The following NUBPL variants were observed in gnomAD, a reference collection of about 807,000 sequenced individuals.
NUBPL encodes the protein iron-sulfur cluster transfer protein NUBPL.
NUBPL carries 31 observed loss-of-function variants against 45.7 expected under a neutral mutation model. The observed-to-expected ratio is 0.68, with a 90% CI of 0.51 to 0.92. The LOEUF is 0.92. NUBPL is among the 40% of genes least tolerant of loss of function. The pLI is 0.00. For missense variants in NUBPL, 401 were observed against 398.7 expected (o/e 1.01, Z -0.05); for synonymous variants, 144 against 140.9 (o/e 1.02, Z -0.15).
intron 6 of NUBPL, among the ~76,000 whole-genome samples, chr14:31,715,892 G>A (rs904207810): frequency 2.0e-5 from 3 of 151,978 alleles, no homozygotes; most frequent in African/African-American, 2.4e-5. Flanking sequence ...TGCAAAAAAC[G>A]TTTTGACTCA....
intron 6 of NUBPL, among the ~76,000 whole-genome samples, chr14:31,690,512 A>T (rs1264956073): frequency 1.3e-5 from 2 of 152,118 alleles, no homozygotes; most frequent in East Asian, 3.9e-4. Flanking sequence ...TATCCTCTAG[A>T]TCAGGGGGTT....
intron 6 of NUBPL, chr14:31,702,968 C>T (rs1266980105): frequency 6.6e-6 from 1 of 152,166 alleles, no homozygotes; most frequent in Non-Finnish European, 1.5e-5. Flanking sequence ...AACTGTGATT[C>T]CCTGCAGACA....
chr14:31,683,253 T>A (rs1244078896), intron 6 of NUBPL, among the ~76,000 whole-genome samples: 1 of 127,756 alleles, frequency 7.8e-6, no homozygotes, highest in Non-Finnish European at 1.7e-5. Context: ...ATCTCCTATA[T>A]TTTATTGTGA....
chr14:31,819,107 C>CA (rs1288771492), intron 7 of NUBPL, among the ~76,000 whole-genome samples: 1 of 152,054 alleles, frequency 6.6e-6, no homozygotes, highest in Non-Finnish European at 1.5e-5. Flanking sequence ...CTTGATCTTA[C>CA]AGCAAATAAT....
intron 4 of NUBPL, among the ~76,000 whole-genome samples, chr14:31,622,913 C>CTACT (rs991567567): frequency 2.0e-5 from 3 of 152,212 alleles, no homozygotes; most frequent in African/African-American, 7.2e-5. Context: ...GAGAAGAGGG[C>CTACT]TACTGTCCTT....
At chr14:31,808,630 C>T (rs1284993693) in intron 7 of NUBPL, among the ~76,000 whole-genome samples, 7 of 152,166 alleles carry the variant, frequency 4.6e-5, no homozygotes, top group African/African-American at 1.7e-4. Flanking sequence ...TGCCTGATTG[C>T]CCTGGCCAGA....
At chr14:31,607,276 G>A (rs1344976074) in intron 4 of NUBPL, among the ~76,000 whole-genome samples, 2 of 151,860 alleles carry the variant, frequency 1.3e-5, no homozygotes, top group East Asian at 1.9e-4. Flanking sequence ...CCAGCTACTC[G>A]GGAGGCTGAG....
In NUBPL at chr14:31,562,196, C is replaced by T. The variant is rs1300865369; in HGVS notation, c.237C>T (p.Val79=). The T allele has an allele frequency of 2.5e-6, 4 of 1,613,712 alleles. No homozygotes were observed. The highest frequency in any genetic ancestry group is 3.4e-6 in the Non-Finnish European group (4 of 1,179,916). The change falls in exon 2 of 11, where the codon GTC becomes GTT. Residue 79 remains valine, a synonymous_variant. Coordinates refer to ENST00000281081, the MANE Select transcript of NUBPL (RefSeq NM_025152.3). ...TTGTGGCTTCTGGAAAGGGTGGAGT[C>T]GGAAAATCTACTACAGCAGGTATTA... ...VIVVASGKGG[V]GKSTTAVNLA...
At chr14:31,750,178 A>G (rs1014995502) in intron 6 of NUBPL, among the ~76,000 whole-genome samples, 1 of 126,494 alleles carries the variant, frequency 7.9e-6, no homozygotes, top group Admixed American at 7.9e-5. Context: ...CATTATTATT[A>G]TTTTTTTTTT....
intron 7 of NUBPL, among the ~76,000 whole-genome samples, chr14:31,798,074 C>A (rs1387938348): frequency 6.7e-6 from 1 of 149,112 alleles, no homozygotes; most frequent in Admixed American, 6.6e-5. Context: ...CCACTCTCTT[C>A]TGGCTTGTAG....
At chr14:31,607,711 A>G (rs187762651) in intron 4 of NUBPL, among the ~76,000 whole-genome samples, 53 of 152,226 alleles carry the variant, frequency 3.5e-4, no homozygotes, top group African/African-American at 1.2e-3. Flanking sequence ...AAAAAGAATG[A>G]AAAACAGTGA....
chr14:31,676,733 C>G (rs1407655145), intron 6 of NUBPL, among the ~76,000 whole-genome samples: 1 of 151,688 alleles, frequency 6.6e-6, no homozygotes, highest in Non-Finnish European at 1.5e-5. Flanking sequence ...CGTGTCTGTT[C>G]AAGTCTTCTA....
Position 31,628,035 on chromosome 14 carries a change from T to C in NUBPL, c.382+28656T>C, listed in dbSNP as rs74040880. On this transcript the variant is annotated intron_variant, in intron 4 of 10. Coordinates refer to ENST00000281081, the MANE Select transcript of NUBPL (RefSeq NM_025152.3). ...TAGAAGACTGCCAGATTCTGTCTAC[T>C]TTTGCATTTATTCTGTTGTAAGGTG... 3.1e-3 allele frequency among the ~76,000 whole-genome samples: 471 copies of C among 152,352 alleles called. 2 individuals carry two copies. The highest frequency in any genetic ancestry group is 0.011 in the African/African-American group (438 of 41,578).
At chr14:31,687,783 C>T (rs1206069633) in intron 6 of NUBPL, among the ~76,000 whole-genome samples, 2 of 152,132 alleles carry the variant, frequency 1.3e-5, no homozygotes, top group African/African-American at 4.8e-5. Context: ...ACTAGTGATG[C>T]TGGAAGTCTC....
At chr14:31,836,261 T>C (rs544648986) in intron 8 of NUBPL, among the ~76,000 whole-genome samples, 1 of 152,242 alleles carries the variant, frequency 6.6e-6, no homozygotes, top group African/African-American at 2.4e-5. Context: ...TAGCCAGGCA[T>C]GTAGTATTTG....
Position 31,630,079 on chromosome 14 carries a change from A to G in NUBPL, c.382+30700A>G, listed in dbSNP as rs111432096. Among the ~76,000 whole-genome samples the G allele has an allele frequency of 6.7e-4, 102 of 152,346 alleles. 1 individual carries two copies. The highest frequency in any genetic ancestry group is 2.1e-3 in the African/African-American group (89 of 41,586). On this transcript the variant is annotated intron_variant, in intron 4 of 10. Transcript: ENST00000281081. The stretch of plus-strand genomic sequence containing the variant: ...ACTGCCTTTCTCTATTATTACAAAT[A>G]ATGAACAGCAACAGAGAATGAGTTA...
At chr14:31,792,526 C>T (rs1197743214) in intron 7 of NUBPL, among the ~76,000 whole-genome samples, 1 of 152,074 alleles carries the variant, frequency 6.6e-6, no homozygotes, top group African/African-American at 2.4e-5. Context: ...GACACCCTGG[C>T]TGTCTGTATA....
chr14:31,726,800 G>T (rs371338581), intron 6 of NUBPL, among the ~76,000 whole-genome samples: 16 of 147,438 alleles, frequency 1.1e-4, no homozygotes, highest in African/African-American at 4.3e-4. Context: ...ATTGTGAATT[G>T]CTTTCTAGGA....
intron 7 of NUBPL, among the ~76,000 whole-genome samples, chr14:31,793,173 T>TCC (rs1295917612): frequency 6.6e-6 from 1 of 152,138 alleles, no homozygotes; most frequent in African/African-American, 2.4e-5. Context: ...GATCTCTCTC[T>TCC]CCTTCCCAGT....
Sources: gnomAD v4.1 joint callset for allele counts (sites outside exome capture counted in the v4.1 genomes callset) on GRCh38, gnomAD v4.1.1 for gene constraint, MANE v1.5 for transcripts, NCBI Gene and HGNC (gene_info 2026-07-23, HGNC 2026-07-21) for gene names.